The following MACROD2 variants were observed in gnomAD, a reference collection of about 807,000 sequenced individuals.
MACROD2 encodes the protein ADP-ribose glycohydrolase MACROD2.
A neutral mutation model predicts 70.4 loss-of-function variants in MACROD2; 36 were observed. The observed-to-expected ratio is 0.51, with a 90% CI of 0.39 to 0.68. MACROD2 has a LOEUF of 0.68. Ranked by LOEUF, MACROD2 falls within the 30% of genes least tolerant of loss-of-function variation. The pLI, the probability that MACROD2 is intolerant of heterozygous loss-of-function variation, is 0.00. For missense variants in MACROD2, 496 were observed against 538.4 expected (o/e 0.92, Z 0.78); for synonymous variants, 172 against 178.8 (o/e 0.96, Z 0.30).
intron 3 of MACROD2, among the ~76,000 whole-genome samples, chr20:14,448,038 G>C (rs1375485589): frequency 4.6e-5 from 7 of 151,294 alleles, no homozygotes; most frequent in Admixed American, 4.6e-4. Flanking sequence ...CTGAGAGAGA[G>C]AGAGATGTAA....
intron 8 of MACROD2, among the ~76,000 whole-genome samples, chr20:15,529,096 C>T (rs377290199): frequency 9.2e-5 from 14 of 152,160 alleles, no homozygotes; most frequent in Admixed American, 3.3e-4. Flanking sequence ...CACTGCTCCA[C>T]GTGATTGATC....
At chr20:15,870,052 A>G (rs1601025208) in intron 9 of MACROD2, among the ~76,000 whole-genome samples, 1 of 152,196 alleles carries the variant, frequency 6.6e-6, no homozygotes, top group East Asian at 1.9e-4. Flanking sequence ...TTTTAAAACG[A>G]AACAAATCAA....
At chr20:15,945,807 T>C (rs2065814644) in intron 12 of MACROD2, among the ~76,000 whole-genome samples, 1 of 152,144 alleles carries the variant, frequency 6.6e-6, no homozygotes, top group South Asian at 2.1e-4. Flanking sequence ...GGAAGCCAAA[T>C]CTGTCTGAAC....
rs190132723 is a variant in MACROD2 at position 15,983,698 on chromosome 20, G to A, written c.986-3029G>A. ...GCTACCACGCAGCCTACGCCTGGTC[G>A]ACTGGAGGACCACCTTAGTGGAAGG... On this transcript the variant is annotated intron_variant, in intron 13 of 17. Coordinates refer to ENST00000684519, the MANE Select transcript of MACROD2 (RefSeq NM_001351661.2). Among the ~76,000 whole-genome samples, 4 of 152,288 alleles carry A rather than the reference G, an allele frequency of 2.6e-5. No homozygotes were observed. The East Asian group carries it at 5.8e-4, about 22-fold the overall frequency.
At chr20:15,151,105 C>T (rs544967025) in intron 5 of MACROD2, among the ~76,000 whole-genome samples, 6 of 152,172 alleles carry the variant, frequency 3.9e-5, no homozygotes, top group East Asian at 1.9e-4. Context: ...GCTGCTAAGC[C>T]GAGAAGATCT....
chr20:15,459,707 T>C (rs891044605), intron 7 of MACROD2, among the ~76,000 whole-genome samples: 2 of 151,830 alleles, frequency 1.3e-5, no homozygotes, highest in Admixed American at 1.3e-4. Flanking sequence ...TTCTAGACAG[T>C]TTTCCTCTCC....
At chr20:15,944,427 G>A (rs1463150034) in intron 12 of MACROD2, among the ~76,000 whole-genome samples, 2 of 131,948 alleles carry the variant, frequency 1.5e-5, no homozygotes, top group East Asian at 2.2e-4. Context: ...TTTTTTTAGG[G>A]TATTCTGCAA....
chr20:15,254,348 G>C (rs920080493), intron 6 of MACROD2, among the ~76,000 whole-genome samples: 19 of 152,122 alleles, frequency 1.2e-4, no homozygotes, highest in African/African-American at 4.6e-4. Flanking sequence ...AACTCTTGGT[G>C]GATGTTCAAA....
intron 8 of MACROD2, among the ~76,000 whole-genome samples, chr20:15,610,868 C>G (rs2146708447): frequency 6.6e-6 from 1 of 152,224 alleles, no homozygotes; most frequent in Middle Eastern, 3.4e-3. Flanking sequence ...CTGGCTGTGG[C>G]CTCATGCAGA....
intron 2 of MACROD2, chr20:14,053,668 C>A (rs2053599142): frequency 6.6e-6 from 1 of 152,042 alleles, no homozygotes; most frequent in African/African-American, 2.4e-5. Context: ...TCAATAAATA[C>A]TAATTTTTCA....
intron 5 of MACROD2, among the ~76,000 whole-genome samples, chr20:15,076,487 T>C (rs914141421): frequency 5.3e-5 from 8 of 152,158 alleles, no homozygotes; most frequent in Admixed American, 2.6e-4. Flanking sequence ...ATACTTATAA[T>C]TGAGTGATGA....
intron 3 of MACROD2, among the ~76,000 whole-genome samples, chr20:14,192,728 G>C (rs897493504): frequency 2.0e-5 from 3 of 152,254 alleles, no homozygotes; most frequent in Non-Finnish European, 2.9e-5. Context: ...TTGATCTCTG[G>C]GCCATCTGTT....
intron 6 of MACROD2, among the ~76,000 whole-genome samples, chr20:15,413,325 A>G (rs2046103375): frequency 6.6e-6 from 1 of 152,232 alleles, no homozygotes; most frequent in African/African-American, 2.4e-5. Context: ...TGGAGTGACC[A>G]GACTAAAGGA....
intron 8 of MACROD2, among the ~76,000 whole-genome samples, chr20:15,836,518 A>G (rs1376016909): frequency 6.6e-6 from 1 of 152,218 alleles, no homozygotes; most frequent in Non-Finnish European, 1.5e-5. Flanking sequence ...AAATATATCT[A>G]CTGATGTTGG....
intron 3 of MACROD2, among the ~76,000 whole-genome samples, chr20:14,483,354 T>C (rs1042394610): frequency 5.9e-5 from 9 of 152,188 alleles, no homozygotes; most frequent in Non-Finnish European, 7.4e-5. Context: ...GGTTTTTTGA[T>C]AGATTTTCCA....
At chr20:14,662,709 A>G (rs1301640919) in intron 4 of MACROD2, among the ~76,000 whole-genome samples, 1 of 152,224 alleles carries the variant, frequency 6.6e-6, no homozygotes, top group Non-Finnish European at 1.5e-5. Context: ...GAAGACATAC[A>G]TCTGAACAAC....
chr20:15,180,398 A>G (rs1033935182), intron 5 of MACROD2, among the ~76,000 whole-genome samples: 1 of 152,266 alleles, frequency 6.6e-6, no homozygotes, highest in African/African-American at 2.4e-5. Context: ...GTGCACCCAG[A>G]CAAATTGTGG....
intron 9 of MACROD2, among the ~76,000 whole-genome samples, chr20:15,882,796 T>C (rs1396971563): frequency 6.6e-6 from 1 of 152,072 alleles, no homozygotes; most frequent in Non-Finnish European, 1.5e-5. Flanking sequence ...AATGAATGAA[T>C]AATAACCCCA....
chr20:15,041,764 T>A (rs2075358542), intron 5 of MACROD2, among the ~76,000 whole-genome samples: 1 of 152,166 alleles, frequency 6.6e-6, no homozygotes, highest in African/African-American at 2.4e-5. Context: ...AATTTATATT[T>A]TTCAGATTTG....
Sources: gnomAD v4.1 joint callset for allele counts (sites outside exome capture counted in the v4.1 genomes callset) on GRCh38, gnomAD v4.1.1 for gene constraint, MANE v1.5 for transcripts, NCBI Gene and HGNC (gene_info 2026-07-23, HGNC 2026-07-21) for gene names.